Variants in ATXN1 observed in about 807,000 individuals in gnomAD.
ATXN1 encodes ataxin-1.
Under a neutral mutation model 56.4 loss-of-function variants are expected in ATXN1, and 8 were observed. That is an observed-to-expected ratio of 0.14 (90% CI 0.08 to 0.26). ATXN1 has a LOEUF of 0.26. Among genes scored for constraint, ATXN1 ranks in the 10% least tolerant of loss-of-function variants. The pLI is 1.00. For missense variants in ATXN1, 987 were observed against 1,106.5 expected, an observed-to-expected ratio of 0.89 and a Z score of 1.53; for synonymous variants, 514 against 494.6, an observed-to-expected ratio of 1.04 and a Z score of -0.52.
In ATXN1 at chr6:16,459,918, G is replaced by A. The variant is rs529078825; in HGVS notation, c.-161+26054C>T. On this transcript the variant is annotated intron_variant, in intron 6 of 7. Transcript: ENST00000436367. Reference sequence around the variant, plus strand: ...AGGGTACAAGGCATCTAAATCGAAGGCCCAGCTCTGCCTACAACAAGTCAA... The same window carrying A: ...AGGGTACAAGGCATCTAAATCGAAGACCCAGCTCTGCCTACAACAAGTCAA... Among the ~76,000 whole-genome samples the A allele has an allele frequency of 1.9e-3, 286 of 152,246 alleles. 1 individual carries two copies. Among genetic ancestry groups the A allele is most frequent in the African/African-American group, 6.5e-3 (268 of 41,544 alleles).
chr6:16,687,631 T>C (rs1346982860), intron 2 of ATXN1, among the ~76,000 whole-genome samples: 1 of 146,440 alleles, frequency 6.8e-6, no homozygotes, highest in Non-Finnish European at 1.5e-5. Context: ...CATTTTCGTA[T>C]AAGCAGCCTG....
At chr6:16,445,371 GT>G (rs1759611768) in intron 6 of ATXN1, among the ~76,000 whole-genome samples, 1 of 152,056 alleles carries the variant, frequency 6.6e-6, no homozygotes, top group Non-Finnish European at 1.5e-5. Flanking sequence ...AGGGAATACT[GT>G]TATTTGGAAT....
intron 6 of ATXN1, among the ~76,000 whole-genome samples, chr6:16,360,408 T>C (rs1428492271): frequency 6.6e-6 from 1 of 152,262 alleles, no homozygotes; most frequent in Non-Finnish European, 1.5e-5. Context: ...TTTTTAAATT[T>C]ACATATGTCA....
chr6:16,700,420 T>C (rs1451516847), intron 2 of ATXN1, among the ~76,000 whole-genome samples: 3 of 152,096 alleles, frequency 2.0e-5, no homozygotes, highest in Non-Finnish European at 4.4e-5. Flanking sequence ...GCCGACCCCT[T>C]ACGGCCATTC....
At chr6:16,524,548 G>GT (rs1465351816) in intron 4 of ATXN1, among the ~76,000 whole-genome samples, 1 of 152,156 alleles carries the variant, frequency 6.6e-6, no homozygotes, top group Non-Finnish European at 1.5e-5. Context: ...TGTGGTTCCA[G>GT]TTACTTAAAC....
chr6:16,395,042 AG>A lies in ATXN1; in HGVS notation c.-160-66573del, dbSNP rs574624099. Among the ~76,000 whole-genome samples, 28 of 152,232 alleles carry A rather than the reference AG, an allele frequency of 1.8e-4. No homozygotes were observed. The South Asian group carries it at 5.8e-3, about 32-fold the overall frequency. ...AATTATATTAAAAACTCCTGAGGCG[AG>A]GCGGATCACCCGAGATCGGGGAGTT... On this transcript the variant is annotated intron_variant, in intron 6 of 7. Transcript: ENST00000436367.
intron 7 of ATXN1, among the ~76,000 whole-genome samples, chr6:16,315,372 A>AT (rs551078734): frequency 1.3e-3 from 204 of 152,170 alleles, no homozygotes; most frequent in East Asian, 0.012. Context: ...GAATGATACT[A>AT]TTTTTTTACT....
At position 16,316,865 on chromosome 6, in the gene ATXN1, C is replaced by CTTTTTTTTTTTTTTTTT. The variant is rs375359789; in HGVS notation, c.1917+9512_1917+9528dup. Among the ~76,000 whole-genome samples the CTTTTTTTTTTTTTTTTT allele has an allele frequency of 9.5e-4, 94 of 99,448 alleles. 12 individuals are homozygous for CTTTTTTTTTTTTTTTTT. The highest frequency in any genetic ancestry group is 2.6e-3 in the South Asian group (6 of 2,346). 65.2% of individuals were successfully genotyped at this position (99,448 alleles called of 152,430 possible). A position where few individuals can be genotyped will look rare whatever the true frequency, so the allele number is the denominator to read the frequency against. ...AGGGGGCAATAGAGAGACTGCCTGT[C>CTTTTTTTTTTTTTTTTT]TTTTTTTTTTTTTTTTTTTTTTTTT... On this transcript the variant is annotated intron_variant, in intron 7 of 7. Transcript: ENST00000436367.
chr6:16,531,594 G>A (rs1002636605), intron 4 of ATXN1, among the ~76,000 whole-genome samples: 3 of 147,698 alleles, frequency 2.0e-5, no homozygotes, highest in African/African-American at 7.5e-5. Flanking sequence ...TTGCACTCCA[G>A]CCTGGGAAAC....
intron 1 of ATXN1, among the ~76,000 whole-genome samples, chr6:16,758,618 T>C (rs1760960133): frequency 6.6e-6 from 1 of 152,162 alleles, no homozygotes; most frequent in African/African-American, 2.4e-5. Flanking sequence ...CATAAAACAC[T>C]TGGAGTAGTT....
At chr6:16,616,434 G>C (rs929555232) in intron 3 of ATXN1, among the ~76,000 whole-genome samples, 2 of 151,428 alleles carry the variant, frequency 1.3e-5, no homozygotes, top group African/African-American at 2.4e-5. Context: ...CAGATACTTG[G>C]GAGGCTGAGA....
At chr6:16,382,189 T>TA (rs1317864335) in intron 6 of ATXN1, among the ~76,000 whole-genome samples, 1 of 149,892 alleles carries the variant, frequency 6.7e-6, no homozygotes, top group East Asian at 2.0e-4. Flanking sequence ...ACAAGAAGCT[T>TA]AAAAAAATAG....
At chr6:16,638,174 G>T (rs1330512392) in intron 3 of ATXN1, among the ~76,000 whole-genome samples, 1 of 152,038 alleles carries the variant, frequency 6.6e-6, no homozygotes, top group East Asian at 1.9e-4. Context: ...GCCAGCCATG[G>T]TCACTCACGC....
chr6:16,586,805 G>C (rs1762634446), intron 3 of ATXN1, among the ~76,000 whole-genome samples: 1 of 152,128 alleles, frequency 6.6e-6, no homozygotes, highest in Non-Finnish European at 1.5e-5. Context: ...CGGATCATGA[G>C]GTCAGGAGAT....
chr6:16,385,521 T>TA (rs1232089745), intron 6 of ATXN1, among the ~76,000 whole-genome samples: 1 of 152,194 alleles, frequency 6.6e-6, no homozygotes, highest in East Asian at 1.9e-4. Flanking sequence ...AGGAACAGCA[T>TA]AGGGGCTTCT....
chr6:16,331,522 A>G (rs1423230253), intron 6 of ATXN1, among the ~76,000 whole-genome samples: 1 of 152,208 alleles, frequency 6.6e-6, no homozygotes, highest in African/African-American at 2.4e-5. Flanking sequence ...GCCCTCCTGC[A>G]GCACTGATCC....
intron 6 of ATXN1, among the ~76,000 whole-genome samples, chr6:16,443,319 T>C (rs1759561906): frequency 6.7e-6 from 1 of 150,008 alleles, no homozygotes; most frequent in Admixed American, 6.7e-5. Context: ...CAGACAGGCA[T>C]GAAAGACAGA....
chr6:16,385,444 G>A (rs574653959), intron 6 of ATXN1, among the ~76,000 whole-genome samples: 3 of 152,258 alleles, frequency 2.0e-5, no homozygotes, highest in Non-Finnish European at 4.4e-5. Flanking sequence ...AAGAGGAGGC[G>A]GACAGGGGAG....
chr6:16,385,164 T>C (rs1758212226), intron 6 of ATXN1, among the ~76,000 whole-genome samples: 2 of 152,152 alleles, frequency 1.3e-5, no homozygotes, highest in Admixed American at 1.3e-4. Flanking sequence ...CATGCCACAT[T>C]CAGGGAAGCA....
Sources: allele counts gnomAD v4.1 joint callset (sites outside exome capture counted in the v4.1 genomes callset), GRCh38; gene constraint gnomAD v4.1.1; transcripts MANE v1.5; gene names NCBI Gene and HGNC (gene_info 2026-07-23, HGNC 2026-07-21).